Variants in VPS13C observed in about 807,000 individuals in gnomAD.
VPS13C encodes intermembrane lipid transfer protein VPS13C.
A neutral mutation model predicts 456.8 loss-of-function variants in VPS13C; 358 were observed. The ratio of observed to expected loss-of-function variants is 0.78; its 90% CI spans 0.72 to 0.86. The LOEUF (loss-of-function observed/expected upper bound fraction) is 0.86, where lower values mean the gene tolerates loss of function less well. Ranked by LOEUF, VPS13C falls within the 40% of genes least tolerant of loss-of-function variation. The probability of loss-of-function intolerance (pLI) is 0.00; values close to 1 mark genes in which losing one functional copy is unlikely to be tolerated. For synonymous variants in VPS13C, 1,578 were observed against 1,486.7 expected (o/e 1.06, Z -1.41); for missense variants, 4,818 against 4,385.4 (o/e 1.10, Z -2.79).
Position 61,910,195 on chromosome 15 carries a change from T to C in VPS13C, c.8826A>G (p.Leu2942=). The C allele has an allele frequency of 7.0e-7, 1 of 1,420,874 alleles. No individual in the cohort carries two copies. Among genetic ancestry groups the C allele is most frequent in the South Asian group, 1.9e-5 (1 of 52,208 alleles). 88.0% of individuals were successfully genotyped at this position (1,420,874 alleles called of 1,614,324 possible). A position where few individuals can be genotyped will look rare whatever the true frequency, so the allele number is the denominator to read the frequency against. The change falls in exon 64 of 85, where the codon TTA becomes TTG. Residue 2942 remains leucine (L), a synonymous_variant. Transcript: ENST00000644861. ...AACTTACCAGATCTTCTAAGCTCAA[T>C]AAAGTGCCATTATCCTGTCGGTTAT... The part of the protein sequence containing the change: ...FFYNRQDNGT[L]LSLEDLNGGI...
At chr15:62,029,938 G>A (rs1431126164) in intron 5 of VPS13C, among the ~76,000 whole-genome samples, 2 of 152,038 alleles carry the variant, frequency 1.3e-5, no homozygotes, top group African/African-American at 4.8e-5. Flanking sequence ...GAAAACAAAT[G>A]AGTAAACTAA....
chr15:62,052,217 T>C (rs1295382940), intron 1 of VPS13C, among the ~76,000 whole-genome samples: 4 of 152,204 alleles, frequency 2.6e-5, no homozygotes, highest in African/African-American at 4.8e-5. Context: ...GTATTTATTT[T>C]TTAAGATTTT....
chr15:61,972,631 A>C lies in VPS13C; in HGVS notation c.2751T>G (p.Ile917Met). Residue 917 changes from isoleucine (I) to methionine (M), a missense_variant, in exon 27 of 85, where the codon ATT (isoleucine) becomes ATG (methionine). Physicochemically the swap from Ile to Met is conservative, Grantham distance 10. Coordinates refer to ENST00000644861, the MANE Select transcript of VPS13C (RefSeq NM_020821.3). ...TAGACAAAAAAGCACATACTTCTTT[A>C]ATTTCAAACTTGAGTAGAAGATTGA... Reference protein sequence around the residue: ...ELINLLLKFEIKEVILEFTKQ... With the variant: ...ELINLLLKFEMKEVILEFTKQ... 6.2e-7 allele frequency: 1 copy of C among 1,612,656 alleles called. No homozygotes were observed. Among genetic ancestry groups the C allele is most frequent in the African/African-American group, 1.3e-5 (1 of 74,976 alleles).
At chr15:62,023,192 T>C (rs1020630281) in intron 8 of VPS13C, among the ~76,000 whole-genome samples, 5 of 151,894 alleles carry the variant, frequency 3.3e-5, no homozygotes, top group Non-Finnish European at 5.9e-5. Context: ...AAACCTCTTA[T>C]ATCAGCTTCA....
At chr15:62,014,521 A>C (rs1265191626) in intron 9 of VPS13C, among the ~76,000 whole-genome samples, 1 of 152,100 alleles carries the variant, frequency 6.6e-6, no homozygotes, top group South Asian at 2.1e-4. Context: ...AGGTAAAATG[A>C]GATCCAGATC....
Position 62,040,837 on chromosome 15 carries a change from A to T in VPS13C, c.187+487T>A, listed in dbSNP as rs1376514663. 5.9e-5 allele frequency among the ~76,000 whole-genome samples: 9 copies of T among 152,334 alleles called. No individual in the cohort carries two copies. The East Asian group carries it at 1.7e-3, about 29-fold the overall frequency. The stretch of plus-strand genomic sequence containing the variant: ...AACAAAGATATATATTTACTTATAG[A>T]TGGTCTTAGTGTAGGAGTTTAACTG... On this transcript the variant is annotated intron_variant, in intron 3 of 84. Coordinates refer to ENST00000644861, the MANE Select transcript of VPS13C (RefSeq NM_020821.3).
chr15:61,965,969 T>C (rs1258759577), intron 30 of VPS13C, 114 bp downstream of exon 30: 9 of 637,382 alleles, frequency 1.4e-5, no homozygotes, highest in Admixed American at 1.4e-4. Context: ...ATAACTCTTA[T>C]TGGTCCTTGA....
At position 61,946,305 on chromosome 15, in the gene VPS13C, A is replaced by G; in HGVS notation, c.4980+2T>C. 6.4e-7 allele frequency: 1 copy of G among 1,569,580 alleles called. No individual in the cohort carries two copies. Among genetic ancestry groups the G allele is most frequent in the Non-Finnish European group, 8.6e-7 (1 of 1,164,608 alleles). On this transcript the variant is annotated splice_donor_variant, in intron 44 of 84. Transcript: ENST00000644861. LOFTEE classifies it high-confidence loss of function. ...CAATATAAAAATCTATTTTTTAATC[A>G]CCTTTTTGTGAATGGACTGCAAATC...
chr15:61,978,299 G>A (rs562201342), intron 23 of VPS13C, among the ~76,000 whole-genome samples: 6 of 152,094 alleles, frequency 3.9e-5, no homozygotes, highest in African/African-American at 9.6e-5. Flanking sequence ...TCCCAAAAGC[G>A]GTAAGACAGA....
chr15:62,023,785 G>T lies in VPS13C; in HGVS notation c.509C>A (p.Ser170Ter). 6.2e-7 allele frequency: 1 copy of T among 1,609,728 alleles called. No homozygotes were observed. Among genetic ancestry groups the T allele is most frequent in the South Asian group, 1.1e-5 (1 of 90,608 alleles). The change falls in exon 7 of 85, where the codon TCA (serine) becomes TAA (stop). Residue 170 changes from serine (S) to a stop codon, truncating the protein, a stop_gained. Coordinates refer to ENST00000644861, the MANE Select transcript of VPS13C (RefSeq NM_020821.3). LOFTEE classifies it high-confidence loss of function. ...ATAAAACTACTTTTACCTACCTTTT[G>T]AACGATCAAGACCTTTAAAAGGTTT... ...FKKPFKGLDR[S>*]KDKPKEAKKD... is the part of the protein sequence containing the mutation.
chr15:61,913,396 G>C lies in VPS13C; in HGVS notation c.8465C>G (p.Thr2822Ser). The C allele has an allele frequency of 1.9e-6, 3 of 1,613,960 alleles. No homozygotes were observed. The highest frequency in any genetic ancestry group is 2.5e-6 in the Non-Finnish European group (3 of 1,179,926). Residue 2822 changes from threonine (T) to serine (S), a missense_variant, in exon 62 of 85, where the codon ACC (threonine) becomes AGC (serine). This residue lies in a region of VPS13C where 4,552 missense variants were observed against 4,130.6 expected (regional missense o/e 1.10). Coordinates refer to ENST00000644861, the MANE Select transcript of VPS13C (RefSeq NM_020821.3). The stretch of plus-strand genomic sequence containing the variant: ...TGAGAAACTACTGGACCAGGCACTG[G>C]TTGAAATTTTTAATTGTACCTATAC... Reference protein sequence around the residue: ...TKNKVQLKISTSAWSSSFSLD... With the variant: ...TKNKVQLKISSSAWSSSFSLD...
chr15:61,883,975 T>C (rs980272417), intron 68 of VPS13C, among the ~76,000 whole-genome samples, 153 bp downstream of exon 68: 2 of 152,008 alleles, frequency 1.3e-5, no homozygotes, highest in Non-Finnish European at 2.9e-5. Flanking sequence ...CGTGTATCAT[T>C]AGACACGCCA....
intron 47 of VPS13C, among the ~76,000 whole-genome samples, chr15:61,937,024 G>A (rs1024317299): frequency 2.0e-5 from 3 of 152,036 alleles, no homozygotes; most frequent in Non-Finnish European, 2.9e-5. Context: ...TCCTGGACCC[G>A]TGCCTATCTG....
chr15:61,984,062 T>C, intron 19 of VPS13C, 50 bp from the exon 20 acceptor site: 3 of 1,525,590 alleles, frequency 2.0e-6, no homozygotes, highest in Non-Finnish European at 2.7e-6. Context: ...TCTTTTGTAA[T>C]CTAATGGACT....
intron 79 of VPS13C, among the ~76,000 whole-genome samples, chr15:61,869,987 TTC>T (rs1894893046): frequency 6.6e-6 from 1 of 152,134 alleles, no homozygotes; most frequent in Non-Finnish European, 1.5e-5. Context: ...CCAGTAAACA[TTC>T]TCTTTTTTAA....
intron 66 of VPS13C, among the ~76,000 whole-genome samples, chr15:61,901,442 G>C (rs2042992478): frequency 6.6e-6 from 1 of 151,830 alleles, no homozygotes; most frequent in Admixed American, 6.6e-5. Context: ...CCATCAAAAA[G>C]TGGGCAAAGG....
At chr15:61,965,572 G>C (rs2045352097) in intron 30 of VPS13C, among the ~76,000 whole-genome samples, 1 of 151,622 alleles carries the variant, frequency 6.6e-6, no homozygotes, top group Non-Finnish European at 1.5e-5. Context: ...ACAATAAAAG[G>C]TTCACAATAT....
rs189867645 is a variant in VPS13C at position 61,888,139 on chromosome 15, T to C, written c.9341+2026A>G. Among the ~76,000 whole-genome samples the C allele has an allele frequency of 1.1e-3, 162 of 152,232 alleles. 1 individual carries two copies. The highest frequency in any genetic ancestry group is 1.9e-3 in the Non-Finnish European group (129 of 68,004). On this transcript the variant is annotated intron_variant, in intron 67 of 84. Coordinates refer to ENST00000644861, the MANE Select transcript of VPS13C (RefSeq NM_020821.3). ...ATCAGAAAACCGCAAAGTAAAACAATGACACACTACTATATCCTTATTAAA... is the reference window on the plus strand; with the variant it reads ...ATCAGAAAACCGCAAAGTAAAACAACGACACACTACTATATCCTTATTAAA...
At chr15:61,880,576 C>A in intron 73 of VPS13C, 33 bp downstream of exon 73, 1 of 1,428,594 alleles carries the variant, frequency 7.0e-7, no homozygotes, top group Non-Finnish European at 9.6e-7. Flanking sequence ...ACAATAATTT[C>A]ACTAAATTTT....
Sources: allele counts gnomAD v4.1 joint callset (sites outside exome capture counted in the v4.1 genomes callset), GRCh38; gene constraint gnomAD v4.1.1; regional missense constraint gnomAD v4.1.1; transcripts MANE v1.5; gene names NCBI Gene and HGNC (gene_info 2026-07-23, HGNC 2026-07-21).